The following USH2A variants were observed in gnomAD, a reference collection of about 807,000 sequenced individuals.
The protein encoded by USH2A is usherin.
A neutral mutation model predicts 538.9 loss-of-function variants in USH2A; 443 were observed. The ratio of observed to expected loss-of-function variants is 0.82; its 90% CI spans 0.76 to 0.89. USH2A has a LOEUF of 0.89. Ranked by LOEUF, USH2A falls within the 40% of genes least tolerant of loss-of-function variation. USH2A has a pLI of 0.00. For missense variants in USH2A, 6,633 were observed against 6,324.8 expected (o/e 1.05, Z -1.65); for synonymous variants, 2,413 against 2,273.5 (o/e 1.06, Z -1.75).
chr1:215,770,611 AG>A (rs1661249430), intron 55 of USH2A, among the ~76,000 whole-genome samples: 1 of 152,140 alleles, frequency 6.6e-6, no homozygotes, highest in Non-Finnish European at 1.5e-5. Flanking sequence ...GTTAGTTATA[AG>A]ATTATGTAAA....
In USH2A at chr1:215,767,069, GA is replaced by G. The variant is rs1254066031; in HGVS notation, c.10940-282del. On this transcript the variant is annotated intron_variant, in intron 55 of 71. Transcript: ENST00000307340. ...TTGATTCCCTATACAAGATGTCATT[GA>G]AAAGGCTGTCCTGCCTATCGGATCA... Among the ~76,000 whole-genome samples, 5 of 152,106 alleles carry G rather than the reference GA, an allele frequency of 3.3e-5. No homozygotes were observed. In the East Asian group the frequency reaches 9.6e-4, roughly 29 times the overall value.
rs114665701 is a variant in USH2A, at chr1:215,712,682, C to A, written c.12066+15348G>T. Reference sequence around the variant, plus strand: ...GAGTCTTGGGTCAACTGCCACAAGACCATTCTGCTACTAACATATTTAGTG... The same window carrying A: ...GAGTCTTGGGTCAACTGCCACAAGAACATTCTGCTACTAACATATTTAGTG... On this transcript the variant is annotated intron_variant, in intron 61 of 71. Coordinates refer to ENST00000307340, the MANE Select transcript of USH2A (RefSeq NM_206933.4). Among the ~76,000 whole-genome samples, 828 of 152,258 alleles carry A rather than the reference C, an allele frequency of 5.4e-3. 4 individuals are homozygous for A. The highest frequency in any genetic ancestry group is 0.019 in the African/African-American group (797 of 41,540).
chr1:216,271,266 G>A (rs564722530), intron 11 of USH2A, among the ~76,000 whole-genome samples: 6 of 152,162 alleles, frequency 3.9e-5, no homozygotes, highest in African/African-American at 1.2e-4. Context: ...CTATAGGAAG[G>A]GCAGGGTGGC....
At chr1:215,793,623 G>C (rs1016295075) in intron 50 of USH2A, among the ~76,000 whole-genome samples, 9 of 151,624 alleles carry the variant, frequency 5.9e-5, no homozygotes, top group African/African-American at 1.7e-4. Flanking sequence ...TTTTTTCAAT[G>C]CCACCCTTAC....
intron 43 of USH2A, among the ~76,000 whole-genome samples, chr1:215,875,175 C>T (rs1169734248): frequency 6.6e-6 from 1 of 152,172 alleles, no homozygotes; most frequent in Non-Finnish European, 1.5e-5. Context: ...AGACACTCCC[C>T]CTTGGGCTAA....
At position 216,261,447 on chromosome 1, in the gene USH2A, T is replaced by A. The variant is rs6682518; in HGVS notation, c.1972-10349A>T. Among the ~76,000 whole-genome samples, 210 of 102,224 alleles carry A rather than the reference T, an allele frequency of 2.1e-3. 1 individual carries two copies. The highest frequency in any genetic ancestry group is 8.1e-3 in the African/African-American group (196 of 24,154). 67.1% of individuals were successfully genotyped at this position (102,224 alleles called of 152,430 possible). On this transcript the variant is annotated intron_variant, in intron 11 of 71. Coordinates refer to ENST00000307340, the MANE Select transcript of USH2A (RefSeq NM_206933.4). ...CTAGACAATATACTAAGATTCTATA[T>A]CCAAAAAAAAAAAAAAAGGCTGGAA...
intron 37 of USH2A, among the ~76,000 whole-genome samples, chr1:215,961,736 T>C (rs776013116): frequency 6.6e-6 from 1 of 151,786 alleles, no homozygotes; most frequent in Non-Finnish European, 1.5e-5. Context: ...CTCTTGGAGA[T>C]GACAACCCAA....
chr1:215,791,130 G>T (rs770821850), intron 50 of USH2A, among the ~76,000 whole-genome samples: 40 of 152,178 alleles, frequency 2.6e-4, no homozygotes, highest in Non-Finnish European at 5.6e-4. Context: ...AGAAATGGCA[G>T]AAATTTTAAC....
chr1:216,202,544 T>G (rs2035023330), intron 16 of USH2A, among the ~76,000 whole-genome samples: 1 of 152,198 alleles, frequency 6.6e-6, no homozygotes, highest in African/African-American at 2.4e-5. Context: ...GGTACGGATC[T>G]TTAACACTGA....
At chr1:216,328,475 AATTT>A (rs1441263698) in intron 4 of USH2A, among the ~76,000 whole-genome samples, 7 of 152,158 alleles carry the variant, frequency 4.6e-5, no homozygotes, top group African/African-American at 1.4e-4. Flanking sequence ...TTAATAACAA[AATTT>A]ATTTCAATAA....
At position 216,415,508 on chromosome 1, in the gene USH2A, CTTT is replaced by C. The variant is rs71161423; in HGVS notation, c.651+3003_651+3005del. Among the ~76,000 whole-genome samples, 18 of 96,866 alleles carry C rather than the reference CTTT, an allele frequency of 1.9e-4. No homozygotes were observed. In the East Asian group the frequency reaches 4.6e-3, roughly 25 times the overall value. 63.5% of individuals were successfully genotyped at this position (96,866 alleles called of 152,430 possible). On this transcript the variant is annotated intron_variant, in intron 3 of 71. Transcript: ENST00000307340. ...TCCTAATCTCCTGTCCTTCCTGTCA[CTTT>C]TTTTTTTTTTTTTTTTTTTTTTCAG...
chr1:216,267,975 C>CT (rs1159265455), intron 11 of USH2A, among the ~76,000 whole-genome samples: 2 of 152,096 alleles, frequency 1.3e-5, no homozygotes, highest in Non-Finnish European at 2.9e-5. Flanking sequence ...CTTTTGAACA[C>CT]TTACGATATT....
chr1:216,354,231 A>G (rs556685599), intron 4 of USH2A, among the ~76,000 whole-genome samples: 1 of 152,334 alleles, frequency 6.6e-6, no homozygotes, highest in South Asian at 2.1e-4. Context: ...AAGGTCTCAT[A>G]GAACCAGCAG....
intron 35 of USH2A, among the ~76,000 whole-genome samples, chr1:215,982,043 C>T (rs868300430): frequency 1.2e-4 from 18 of 152,198 alleles, no homozygotes; most frequent in South Asian, 4.1e-4. Context: ...GAGTGCGTCT[C>T]CTGTTCTGGG....
chr1:216,153,816 A>C (rs1469922567), intron 21 of USH2A, among the ~76,000 whole-genome samples: 1 of 152,218 alleles, frequency 6.6e-6, no homozygotes, highest in Non-Finnish European at 1.5e-5. Flanking sequence ...TTTGTGAAGT[A>C]AACAAGGAGA....
chr1:215,758,144 G>A (rs1660866803), intron 58 of USH2A, among the ~76,000 whole-genome samples: 1 of 152,106 alleles, frequency 6.6e-6, no homozygotes, highest in African/African-American at 2.4e-5. Context: ...AAATTAGCCG[G>A]GCATGGTGGC....
intron 49 of USH2A, 89 bp from the exon 50 acceptor site, chr1:215,799,214 A>T (rs970354249): frequency 2.5e-5 from 34 of 1,356,584 alleles, no homozygotes; most frequent in Non-Finnish European, 3.4e-5. Context: ...CATCTTGCAG[A>T]TCCCAACTGA....
At chr1:216,047,910 T>C (rs900794853) in intron 31 of USH2A, among the ~76,000 whole-genome samples, 1 of 152,200 alleles carries the variant, frequency 6.6e-6, no homozygotes, top group African/African-American at 2.4e-5. Context: ...CACTTTGGCG[T>C]GCTAAAATAT....
At chr1:215,875,931 TTA>T (rs1169974405) in intron 43 of USH2A, among the ~76,000 whole-genome samples, 1 of 146,224 alleles carries the variant, frequency 6.8e-6, no homozygotes, top group Admixed American at 7.0e-5. Context: ...ATATTGATTA[TTA>T]TATATAATTA....
Sources: allele counts gnomAD v4.1 joint callset (sites outside exome capture counted in the v4.1 genomes callset), GRCh38; gene constraint gnomAD v4.1.1; transcripts MANE v1.5; gene names NCBI Gene and HGNC (gene_info 2026-07-23, HGNC 2026-07-21).